The following ANKRD28 variants were observed in gnomAD, a reference collection of about 807,000 sequenced individuals.
The protein encoded by ANKRD28 is ankyrin repeat domain 28.
A neutral mutation model predicts 126.5 loss-of-function variants in ANKRD28; 44 were observed. The ratio of observed to expected loss-of-function variants is 0.35; its 90% confidence interval spans 0.27 to 0.45. The LOEUF (loss-of-function observed/expected upper bound fraction) is 0.45, where lower values mean the gene tolerates loss of function less well. ANKRD28 is among the 20% of genes least tolerant of loss of function. The pLI, the probability that ANKRD28 is intolerant of heterozygous loss-of-function variation, is 1.00. For synonymous variants in ANKRD28, 442 were observed against 468.5 expected, an observed-to-expected ratio of 0.94 and a Z score of 0.73; for missense variants, 1,110 against 1,316.6, an observed-to-expected ratio of 0.84 and a Z score of 2.43.
At chr3:15,697,649 T>C (rs949733693) in intron 14 of ANKRD28, among the ~76,000 whole-genome samples, 2 of 152,174 alleles carry the variant, frequency 1.3e-5, no homozygotes, top group South Asian at 2.1e-4. Flanking sequence ...TGGATTCAGT[T>C]TGCCAGTATT....
At chr3:15,800,605 A>G (rs2060443981), upstream of ANKRD28, among the ~76,000 whole-genome samples, 1 of 152,128 alleles carries the variant, frequency 6.6e-6, no homozygotes, top group Admixed American at 6.6e-5. Flanking sequence ...CACACTTTTC[A>G]GTGATCTCTT....
chr3:15,676,878 G>A, intron 26 of ANKRD28, 96 bp downstream of exon 26: 1 of 988,070 alleles, frequency 1.0e-6, no homozygotes, highest in Non-Finnish European at 1.5e-6. Flanking sequence ...TATGACTAAT[G>A]AAACCTATTC....
At chr3:15,762,872 C>T (rs772071902) in intron 3 of ANKRD28, among the ~76,000 whole-genome samples, 2 of 151,924 alleles carry the variant, frequency 1.3e-5, no homozygotes, top group African/African-American at 4.8e-5. Flanking sequence ...TATATTATTC[C>T]CATTTTTTTA....
At chr3:15,747,832 C>T (rs2057583090) in intron 4 of ANKRD28, among the ~76,000 whole-genome samples, 1 of 152,096 alleles carries the variant, frequency 6.6e-6, no homozygotes, top group African/African-American at 2.4e-5. Context: ...TCTCTCATTT[C>T]TTAGGTCTAG....
Position 15,797,242 on chromosome 3 carries a change from A to G in ANKRD28, c.-721T>C. ...AAAAAACCACTCTGCATTAATAGCAAAGCTGCAGTACGTTTACATGTGATG... is the reference window on the plus strand; with the variant it reads ...AAAAAACCACTCTGCATTAATAGCAGAGCTGCAGTACGTTTACATGTGATG... On this transcript the variant is annotated 5_prime_UTR_variant, in exon 1 of 28. Transcript: ENST00000683139. 1.0e-6 allele frequency: 1 copy of G among 985,318 alleles called. No homozygotes were observed. Among genetic ancestry groups the G allele is most frequent in the Non-Finnish European group, 1.2e-6 (1 of 829,904 alleles). The allele number at this position is 985,318 out of a possible 1,614,324, so 61.0% of individuals were successfully genotyped here. A position where few individuals can be genotyped will look rare whatever the true frequency, so the allele number is the denominator to read the frequency against.
intron 2 of ANKRD28, among the ~76,000 whole-genome samples, chr3:15,774,019 G>T (rs1166513553): frequency 1.3e-5 from 2 of 152,104 alleles, no homozygotes; most frequent in African/African-American, 4.8e-5. Flanking sequence ...AAATATGATT[G>T]ATTTTTGACT....
chr3:15,750,428 G>A (rs922939810), intron 4 of ANKRD28, among the ~76,000 whole-genome samples: 8 of 152,006 alleles, frequency 5.3e-5, no homozygotes, highest in East Asian at 1.9e-4. Context: ...GTCCAACATC[G>A]CACAGCTGAA....
chr3:15,787,740 A>G (rs1398160549), intron 2 of ANKRD28, among the ~76,000 whole-genome samples: 5 of 152,196 alleles, frequency 3.3e-5, no homozygotes, highest in South Asian at 4.1e-4. Flanking sequence ...ACATGTGGCC[A>G]CTAAGAAAGA....
At chr3:15,687,107 G>A (rs957186908) in intron 18 of ANKRD28, among the ~76,000 whole-genome samples, 1 of 151,464 alleles carries the variant, frequency 6.6e-6, no homozygotes, top group Non-Finnish European at 1.5e-5. Context: ...CACACCCGGC[G>A]ATTTTTTTTG....
intron 6 of ANKRD28, among the ~76,000 whole-genome samples, chr3:15,727,251 T>G (rs1397921873): frequency 2.0e-5 from 3 of 151,504 alleles, no homozygotes; most frequent in African/African-American, 7.3e-5. Flanking sequence ...TTGAAAACCT[T>G]CTGGAAAGGA....
chr3:15,809,666 G>A (rs1315905638), intron 1 of ANKRD28, among the ~76,000 whole-genome samples: 1 of 152,142 alleles, frequency 6.6e-6, no homozygotes, highest in Non-Finnish European at 1.5e-5. Flanking sequence ...AGCTCTGCTT[G>A]CCTGGCCAGT....
chr3:15,723,306 T>C (rs2073915381), intron 7 of ANKRD28, among the ~76,000 whole-genome samples: 1 of 152,252 alleles, frequency 6.6e-6, no homozygotes, highest in Non-Finnish European at 1.5e-5. Flanking sequence ...AGTTCTGTCA[T>C]GTATTCTTTG....
At chr3:15,736,136 G>A (rs1255017024) in intron 5 of ANKRD28, among the ~76,000 whole-genome samples, 1 of 152,170 alleles carries the variant, frequency 6.6e-6, no homozygotes, top group East Asian at 1.9e-4. Flanking sequence ...TCAATTACCT[G>A]CTGTCAACCA....
chr3:15,743,766 A>G (rs1309573477), intron 4 of ANKRD28, among the ~76,000 whole-genome samples: 3 of 152,226 alleles, frequency 2.0e-5, no homozygotes, highest in African/African-American at 7.2e-5. Flanking sequence ...TGTGGAAACT[A>G]TGTCACTGAA....
At chr3:15,783,924 A>G (rs575406661) in intron 2 of ANKRD28, among the ~76,000 whole-genome samples, 1 of 152,142 alleles carries the variant, frequency 6.6e-6, no homozygotes, top group East Asian at 1.9e-4. Context: ...CTCTGAAAGT[A>G]GCCAGAGGAA....
chr3:15,843,904 G>T lies in ANKRD28; in HGVS notation c.27+15473C>A, dbSNP rs1283004241. ...AGATGAAAAGGAGAAGACTGAAAGC[G>T]TGTGTACATTAGGAGTTAAGGCTTA... On this transcript the variant is annotated intron_variant, in intron 1 of 27. Coordinates refer to the ANKRD28 transcript ENST00000399451. The surrounding 1 kb of genome is among the most constrained non-coding windows in gnomAD (Gnocchi z 5.2). Among the ~76,000 whole-genome samples the T allele has an allele frequency of 6.6e-6, 1 of 152,192 alleles. No homozygotes were observed. Among genetic ancestry groups the T allele is most frequent in the African/African-American group, 2.4e-5 (1 of 41,450 alleles).
At chr3:15,710,361 T>C (rs1254803724) in intron 12 of ANKRD28, among the ~76,000 whole-genome samples, 1 of 152,224 alleles carries the variant, frequency 6.6e-6, no homozygotes, top group Non-Finnish European at 1.5e-5. Flanking sequence ...AACTGTCAAG[T>C]GATCAGACAC....
chr3:15,676,783 C>A, intron 26 of ANKRD28, 191 bp downstream of exon 26: 2 of 435,796 alleles, frequency 4.6e-6, no homozygotes, highest in South Asian at 4.1e-5. Flanking sequence ...AATTTCAGTT[C>A]AAAAGCATTT....
rs2072417147 is a variant in ANKRD28, at chr3:15,712,315, ATAAC to A, written c.1191-97_1191-94del. The A allele has an allele frequency of 2.8e-6, 3 of 1,059,448 alleles. No homozygotes were observed. The African/African-American group carries it at 4.8e-5, about 17-fold the overall frequency. The allele number at this position is 1,059,448 out of a possible 1,614,324, so 65.6% of individuals were successfully genotyped here. ...TACAAAGAGACCACTTAAGTGAAAG[ATAAC>A]TAAGAGCCAAAATGTCTAACACTTC... On this transcript the variant is annotated intron_variant, in intron 10 of 27. Coordinates refer to ENST00000683139, the MANE Select transcript of ANKRD28 (RefSeq NM_001349278.2).
Sources: allele counts gnomAD v4.1 joint callset (sites outside exome capture counted in the v4.1 genomes callset), GRCh38; gene constraint gnomAD v4.1.1; non-coding constraint Gnocchi (gnomAD v3.1); transcripts MANE v1.5; gene names NCBI Gene and HGNC (gene_info 2026-07-23, HGNC 2026-07-21).